Variants in MAPK8IP3 observed in about 807,000 individuals in gnomAD.
MAPK8IP3 encodes the protein mitogen-activated protein kinase 8 interacting protein 3, also known as C-Jun-amino-terminal kinase-interacting protein 3.
In MAPK8IP3, 49 loss-of-function variants were observed where a neutral mutation model predicts 157.8. The ratio of observed to expected loss-of-function variants is 0.31; its 90% CI spans 0.25 to 0.39. The LOEUF is 0.39. MAPK8IP3 is among the 10% of genes least tolerant of loss of function. MAPK8IP3 has a pLI of 1.00. For synonymous variants in MAPK8IP3, 897 were observed against 777.7 expected (o/e 1.15, Z -2.55); for missense variants, 1,478 against 1,889.4 (o/e 0.78, Z 4.04).
chr16:1,758,634 C>T (rs1369439908), intron 9 of MAPK8IP3, among the ~76,000 whole-genome samples: 4 of 152,200 alleles, frequency 2.6e-5, no homozygotes, highest in African/African-American at 9.7e-5. Context: ...AGATGCAGCC[C>T]CCCAGCCTCC....
chr16:1,759,125 C>T (rs1239102511), intron 10 of MAPK8IP3, 130 bp downstream of exon 10: 2 of 1,216,356 alleles, frequency 1.6e-6, no homozygotes, highest in Non-Finnish European at 2.4e-6. Flanking sequence ...GGGGGCAGCC[C>T]TGAGTGAAGC....
Position 1,763,784 on chromosome 16 carries a change from G to A in MAPK8IP3, c.2025+1G>A. 6.4e-7 allele frequency: 1 copy of A among 1,550,604 alleles called. No homozygotes were observed. The highest frequency in any genetic ancestry group is 8.7e-7 in the Non-Finnish European group (1 of 1,146,254). The stretch of plus-strand genomic sequence containing the variant: ...GAGCCTGCCCGCCAAGTACAAGCAG[G>A]TGCGGGCGGGCGCTGCGGGGACCGG... On this transcript the variant is annotated splice_donor_variant, in intron 17 of 31. Coordinates refer to ENST00000610761, the MANE Select transcript of MAPK8IP3 (RefSeq NM_001318852.2). LOFTEE classifies it high-confidence loss of function.
chr16:1,730,480 C>T lies in MAPK8IP3; in HGVS notation c.602+902C>T, dbSNP rs149087417. ...TTAAGCCGGGCTCAGTGGCTCACGC[C>T]TGTCATTCCAGCACTTTGGGAGGCC... On this transcript the variant is annotated intron_variant, in intron 4 of 31. Coordinates refer to ENST00000610761, the MANE Select transcript of MAPK8IP3 (RefSeq NM_001318852.2). Among the ~76,000 whole-genome samples the T allele has an allele frequency of 4.0e-3, 609 of 152,102 alleles. 4 individuals are homozygous for T. The highest frequency in any genetic ancestry group is 0.014 in the African/African-American group (588 of 41,490).
intron 13 of MAPK8IP3, among the ~76,000 whole-genome samples, chr16:1,761,954 G>A (rs896422833): frequency 6.6e-6 from 1 of 152,166 alleles, no homozygotes; most frequent in African/African-American, 2.4e-5. Context: ...TCACATGCAG[G>A]GCTGGGGTGG....
intron 3 of MAPK8IP3, 124 bp from the exon 4 acceptor site, chr16:1,729,363 A>C: frequency 8.0e-7 from 1 of 1,256,078 alleles, no homozygotes; most frequent in African/African-American, 1.5e-5. Context: ...GGCTGGTTAG[A>C]TTCCCCTCCA....
At position 1,724,678 on chromosome 16, in the gene MAPK8IP3, G is replaced by GT; in HGVS notation, c.439+2dup. 1 of 1,610,156 alleles carries GT rather than the reference G, an allele frequency of 6.2e-7. No homozygotes were observed. Among genetic ancestry groups the GT allele is most frequent in the Non-Finnish European group, 8.5e-7 (1 of 1,177,396 alleles). On this transcript the variant is annotated splice_donor_variant, in intron 2 of 31. Coordinates refer to ENST00000610761, the MANE Select transcript of MAPK8IP3 (RefSeq NM_001318852.2). LOFTEE classifies it high-confidence loss of function. This position sits in a 1 kb window ranked among gnomAD's most constrained non-coding sequence, Gnocchi z 4.1. ...AAGGCCAAGAACTATGCCGATCAGA[G>GT]TAAGTGGCTGGCGGGAGCCTGGAGG...
At position 1,766,141 on chromosome 16, in the gene MAPK8IP3, G is replaced by A; in HGVS notation, c.2628G>A (p.Gln876=). ...ACACCCCAGTGCTAGACAAGGGGCA[G>A]GGTGAGTCCTGGGCGAGTTTCCCCC... ...RGDTPVLDKG[Q]GEVATIANGK... is the part of the protein sequence containing the mutation. The change falls in exon 21 of 32, where the codon CAG becomes CAA. Residue 876 remains glutamine (Q), a splice_region_variant and synonymous_variant. Coordinates refer to ENST00000610761, the MANE Select transcript of MAPK8IP3 (RefSeq NM_001318852.2). 1 of 1,608,142 alleles carries A rather than the reference G, an allele frequency of 6.2e-7. No homozygotes were observed. The highest frequency in any genetic ancestry group is 8.5e-7 in the Non-Finnish European group (1 of 1,176,534).
rs1279677755 is a variant in MAPK8IP3, at chr16:1,769,177, C to T, written c.*353C>T. 1.4e-5 allele frequency: 4 copies of T among 285,146 alleles called. No individual in the cohort carries two copies. The highest frequency in any genetic ancestry group is 2.2e-5 in the African/African-American group (1 of 45,118). The allele number at this position is 285,146 out of a possible 1,614,324, so 17.7% of individuals were successfully genotyped here. A position where few individuals can be genotyped will look rare whatever the true frequency, so the allele number is the denominator to read the frequency against. The stretch of plus-strand genomic sequence containing the variant: ...CCCTGGGCCTCCTACTCCCCAGCAC[C>T]CCTGGAGGAGGCAGGGGCTCCCCGC... On this transcript the variant is annotated 3_prime_UTR_variant, in exon 32 of 32. Coordinates refer to ENST00000610761, the MANE Select transcript of MAPK8IP3 (RefSeq NM_001318852.2).
At chr16:1,729,410 G>A (rs2039133962) in intron 3 of MAPK8IP3, 77 bp from the exon 4 acceptor site, 3 of 1,430,074 alleles carry the variant, frequency 2.1e-6, no homozygotes, top group Non-Finnish European at 2.9e-6. Flanking sequence ...CAGGGCAGCC[G>A]GAAAAGCCTC....
At chr16:1,730,905 T>C (rs1240190983) in intron 4 of MAPK8IP3, among the ~76,000 whole-genome samples, 2 of 149,156 alleles carry the variant, frequency 1.3e-5, no homozygotes, top group Admixed American at 1.3e-4. Flanking sequence ...TTTGGAAGGC[T>C]GAGGCCGGCA....
chr16:1,763,063 C>T, intron 16 of MAPK8IP3, 57 bp downstream of exon 16: 1 of 1,596,558 alleles, frequency 6.3e-7, no homozygotes, highest in Non-Finnish European at 8.6e-7. Context: ...AGGCCCTGTC[C>T]TGAGGCTCCT....
rs2038726576 is a variant in MAPK8IP3 at position 1,724,316 on chromosome 16, C to T, written c.319-241C>T. Among the ~76,000 whole-genome samples, 1 of 152,234 alleles carries T rather than the reference C, an allele frequency of 6.6e-6. No homozygotes were observed. The highest frequency in any genetic ancestry group is 1.5e-5 in the Non-Finnish European group (1 of 68,040). Reference sequence around the variant, plus strand: ...CAAATCCTCCCGGGAGAGGAGGGTGCAATCATGCAGTCCTGGAGGGCTCTC... The same window carrying T: ...CAAATCCTCCCGGGAGAGGAGGGTGTAATCATGCAGTCCTGGAGGGCTCTC... On this transcript the variant is annotated intron_variant, in intron 1 of 31. Transcript: ENST00000610761. This position sits in a 1 kb window ranked among gnomAD's most constrained non-coding sequence, Gnocchi z 4.1.
At chr16:1,730,749 A>C (rs1008741911) in intron 4 of MAPK8IP3, among the ~76,000 whole-genome samples, 13 of 152,078 alleles carry the variant, frequency 8.5e-5, no homozygotes, top group Middle Eastern at 6.8e-3. Context: ...AGGCTGAGGC[A>C]GGAGAATCAC....
intron 4 of MAPK8IP3, among the ~76,000 whole-genome samples, chr16:1,735,954 C>T (rs1200945773): frequency 1.6e-5 from 2 of 124,688 alleles, no homozygotes; most frequent in Admixed American, 1.7e-4. Context: ...GTGAGTGTGA[C>T]CGCCCATGTG....
intron 1 of MAPK8IP3, among the ~76,000 whole-genome samples, chr16:1,720,795 G>A (rs1281759601): frequency 6.6e-6 from 1 of 151,426 alleles, no homozygotes; most frequent in Non-Finnish European, 1.5e-5. Flanking sequence ...AGCACTTTGG[G>A]AGGCAGAAGC....
At position 1,741,966 on chromosome 16, in the gene MAPK8IP3, G is replaced by T. The variant is rs2040710229; in HGVS notation, c.603-1366G>T. Among the ~76,000 whole-genome samples, 1 of 152,204 alleles carries T rather than the reference G, an allele frequency of 6.6e-6. No homozygotes were observed. The highest frequency in any genetic ancestry group is 1.5e-5 in the Non-Finnish European group (1 of 68,020). On this transcript the variant is annotated intron_variant, in intron 4 of 31. Coordinates refer to ENST00000610761, the MANE Select transcript of MAPK8IP3 (RefSeq NM_001318852.2). The surrounding 1 kb of genome is among the most constrained non-coding windows in gnomAD (Gnocchi z 6.9). ...GCGGAGCTCCTGGTCAGCGGCGGCT[G>T]CTGCGTTCCCCTGTCGCCGTCTGCA...
chr16:1,753,286 G>T (rs964385440), intron 8 of MAPK8IP3, among the ~76,000 whole-genome samples: 2 of 152,010 alleles, frequency 1.3e-5, no homozygotes, highest in African/African-American at 4.8e-5. Context: ...TTGTTTGTTC[G>T]TTCGTTTGTT....
intron 4 of MAPK8IP3, chr16:1,735,020 C>G (rs1167622761): frequency 1.3e-5 from 2 of 154,446 alleles, no homozygotes; most frequent in Non-Finnish European, 2.9e-5. Context: ...CAGGCGCTGT[C>G]TTGAGACATT....
At chr16:1,730,265 A>C (rs575896764) in intron 4 of MAPK8IP3, among the ~76,000 whole-genome samples, 2 of 152,058 alleles carry the variant, frequency 1.3e-5, no homozygotes, top group Non-Finnish European at 2.9e-5. Context: ...GTCTCTAAAA[A>C]AATAAAAAAA....
Sources: gnomAD v4.1 joint callset for allele counts (sites outside exome capture counted in the v4.1 genomes callset) on GRCh38, gnomAD v4.1.1 for gene constraint, Gnocchi (gnomAD v3.1) non-coding constraint, MANE v1.5 for transcripts, NCBI Gene and HGNC (gene_info 2026-07-23, HGNC 2026-07-21) for gene names.